SGK3: variants seen among roughly 807,000 people sequenced by gnomAD.
SGK3 encodes serine/threonine-protein kinase Sgk3.
SGK3 carries 47 observed loss-of-function variants against 68.5 expected under a neutral mutation model. That is an observed-to-expected ratio of 0.69 (90% CI 0.54 to 0.87). The LOEUF is 0.87. Among genes scored for constraint, SGK3 ranks in the 40% least tolerant of loss-of-function variants. The probability of loss-of-function intolerance (pLI) is 0.00; values close to 1 mark genes in which losing one functional copy is unlikely to be tolerated. For missense variants in SGK3, 479 were observed against 575.5 expected, an observed-to-expected ratio of 0.83 and a Z score of 1.72; for synonymous variants, 181 against 189.1, an observed-to-expected ratio of 0.96 and a Z score of 0.35.
At chr8:66,781,798 G>C (rs1806996264) in intron 1 of SGK3, among the ~76,000 whole-genome samples, 1 of 152,164 alleles carries the variant, frequency 6.6e-6, no homozygotes, top group Admixed American at 6.5e-5. Flanking sequence ...TAGAGATGTA[G>C]TAAACCTAGG....
chr8:66,748,817 T>G (rs888228810), intron 1 of SGK3, among the ~76,000 whole-genome samples: 1 of 152,198 alleles, frequency 6.6e-6, no homozygotes, highest in South Asian at 2.1e-4. Context: ...AAACTTGTCA[T>G]GTCAGAGTTG....
intron 12 of SGK3, chr8:66,840,606 C>T (rs1200033306): frequency 4.5e-6 from 1 of 220,346 alleles, no homozygotes; most frequent in African/African-American, 2.3e-5. Flanking sequence ...CCTCTGTATA[C>T]TATTTTGCAA....
chr8:66,734,252 C>CTTTTTTTTTTTTTTTT (rs1805252670), intron 1 of SGK3, among the ~76,000 whole-genome samples: 1 of 87,044 alleles, frequency 1.1e-5, no homozygotes, highest in Non-Finnish European at 2.3e-5. Context: ...TTTTTTTTAC[C>CTTTTTTTTTTTTTTTT]ATTTTGAAAT....
intron 1 of SGK3, among the ~76,000 whole-genome samples, chr8:66,778,479 G>A (rs1416459491): frequency 6.6e-6 from 1 of 152,098 alleles, no homozygotes; most frequent in Non-Finnish European, 1.5e-5. Flanking sequence ...TGTATTTTTA[G>A]TAGAGACGGG....
chr8:66,838,350 G>A (rs76851835), intron 10 of SGK3, among the ~76,000 whole-genome samples: 3,113 of 152,116 alleles, frequency 0.02, 111 homozygotes, highest in African/African-American at 0.07. Context: ...AGGCGTGAGC[G>A]ACCGCACCTG....
At chr8:66,736,598 C>T (rs1247549902) in intron 1 of SGK3, among the ~76,000 whole-genome samples, 1 of 151,704 alleles carries the variant, frequency 6.6e-6, no homozygotes, top group Non-Finnish European at 1.5e-5. Flanking sequence ...GCTGGAACTA[C>T]AGGCACATGC....
chr8:66,833,748 G>A (rs1809395455), intron 8 of SGK3, among the ~76,000 whole-genome samples: 1 of 152,206 alleles, frequency 6.6e-6, no homozygotes, highest in South Asian at 2.1e-4. Context: ...CTGGAGTGCG[G>A]TGGCGCAATC....
rs1381315087 is a variant in SGK3, at chr8:66,772,583, CAG to C, written c.-121-21030_-121-21029del. On this transcript the variant is annotated intron_variant, in intron 1 of 16. Transcript: ENST00000521198. ...CTATTTTTTTTTTTTTTTTTTGAGA[CAG>C]AGTCTCGCTCTGTCGCCCAGGTTGG... 7.7e-4 allele frequency among the ~76,000 whole-genome samples: 107 copies of C among 138,328 alleles called. 1 individual carries two copies. Among genetic ancestry groups the C allele is most frequent in the African/African-American group, 2.9e-3 (105 of 36,642 alleles). The allele number at this position is 138,328 out of a possible 152,430, so 90.7% of individuals were successfully genotyped here. A position where few individuals can be genotyped will look rare whatever the true frequency, so the allele number is the denominator to read the frequency against.
rs375661791 is a variant in SGK3, at chr8:66,772,517, C to G, written c.-121-21099C>G. ...TCAAGTGATCCTCCTACCTCAGCCTCCCAAGTAGCTGGGACTACAGGCGCG... is the reference window on the plus strand; with the variant it reads ...TCAAGTGATCCTCCTACCTCAGCCTGCCAAGTAGCTGGGACTACAGGCGCG... On this transcript the variant is annotated intron_variant, in intron 1 of 16. Coordinates refer to ENST00000521198, the MANE Select transcript of SGK3 (RefSeq NM_001033578.3). Among the ~76,000 whole-genome samples, 24 of 151,656 alleles carry G rather than the reference C, an allele frequency of 1.6e-4. No homozygotes were observed. The East Asian group carries it at 4.1e-3, about 26-fold the overall frequency.
chr8:66,817,591 T>G (rs1483812520), intron 5 of SGK3, among the ~76,000 whole-genome samples: 1 of 151,846 alleles, frequency 6.6e-6, no homozygotes, highest in Non-Finnish European at 1.5e-5. Context: ...GACCTCAAGT[T>G]ATCTCCCCCC....
At chr8:66,795,276 G>T (rs1807632422) in intron 2 of SGK3, among the ~76,000 whole-genome samples, 1 of 152,170 alleles carries the variant, frequency 6.6e-6, no homozygotes, top group African/African-American at 2.4e-5. Context: ...AGACACACCT[G>T]CCACACTTGG....
intron 4 of SGK3, among the ~76,000 whole-genome samples, chr8:66,804,758 G>T (rs991393206): frequency 6.6e-6 from 1 of 152,184 alleles, no homozygotes; most frequent in Non-Finnish European, 1.5e-5. Flanking sequence ...GGCAGATGTG[G>T]AAGTTAAATT....
chr8:66,787,886 ATCATCATAGATACG>A (rs1363145977), intron 1 of SGK3, among the ~76,000 whole-genome samples: 1 of 152,186 alleles, frequency 6.6e-6, no homozygotes, highest in African/African-American at 2.4e-5. Context: ...CTGCCCAAGG[ATCATCATAGATACG>A]TCCCTTTGGC....
intron 1 of SGK3, among the ~76,000 whole-genome samples, chr8:66,793,338 C>T (rs1449213013): frequency 6.6e-6 from 1 of 152,216 alleles, no homozygotes; most frequent in African/African-American, 2.4e-5. Flanking sequence ...TTACCTCCAA[C>T]TAGATCTTTT....
intron 14 of SGK3, among the ~76,000 whole-genome samples, chr8:66,843,874 G>A (rs1040263356): frequency 6.6e-6 from 1 of 151,538 alleles, no homozygotes; most frequent in Admixed American, 6.6e-5. Context: ...GCATACTGTA[G>A]TCCCAGCTGC....
intron 16 of SGK3, among the ~76,000 whole-genome samples, chr8:66,852,871 T>C (rs1191635197): frequency 6.6e-6 from 1 of 152,206 alleles, no homozygotes; most frequent in African/African-American, 2.4e-5. Flanking sequence ...CTAAGTATCT[T>C]AGCAGAATTT....
Position 66,762,603 on chromosome 8 carries a change from A to G in SGK3, c.-121-31013A>G, listed in dbSNP as rs542351103. Among the ~76,000 whole-genome samples the G allele has an allele frequency of 5.9e-5, 9 of 152,274 alleles. No homozygotes were observed. The South Asian group carries it at 1.9e-3, about 32-fold the overall frequency. On this transcript the variant is annotated intron_variant, in intron 1 of 16. Transcript: ENST00000521198. ...TTTCTTTTTATTTTTATGATTTCTT[A>G]TTATTGGCTATCTAGTCATGTTTGA... is the stretch of plus-strand genomic sequence containing the variant.
At chr8:66,818,630 A>C (rs1171728302) in intron 5 of SGK3, among the ~76,000 whole-genome samples, 1 of 152,196 alleles carries the variant, frequency 6.6e-6, no homozygotes, top group African/African-American at 2.4e-5. Context: ...AAAACAGATT[A>C]GTGTGTGCCC....
At chr8:66,759,905 G>T (rs900232340) in intron 1 of SGK3, among the ~76,000 whole-genome samples, 1 of 152,036 alleles carries the variant, frequency 6.6e-6, no homozygotes, top group African/African-American at 2.4e-5. Context: ...CTCTTAAAAG[G>T]ACCCTTGTCA....
Sources: gnomAD v4.1 joint callset for allele counts (sites outside exome capture counted in the v4.1 genomes callset) on GRCh38, gnomAD v4.1.1 for gene constraint, MANE v1.5 for transcripts, NCBI Gene and HGNC (gene_info 2026-07-23, HGNC 2026-07-21) for gene names.